The following RBFOX3 variants were observed in gnomAD, a reference collection of about 807,000 sequenced individuals.
RBFOX3 encodes the protein RNA binding fox-1 homolog 3.
In RBFOX3, 17 loss-of-function variants were observed where a neutral mutation model predicts 48.7. The ratio of observed to expected loss-of-function variants is 0.35; its 90% CI spans 0.24 to 0.52. The LOEUF (loss-of-function observed/expected upper bound fraction) is 0.52, where lower values mean the gene tolerates loss of function less well. RBFOX3 is among the 20% of genes least tolerant of loss of function. RBFOX3 has a pLI of 0.94. For synonymous variants in RBFOX3, 212 were observed against 209.5 expected (o/e 1.01, Z -0.10); for missense variants, 382 against 497.5 (o/e 0.77, Z 2.21).
intron 2 of RBFOX3, among the ~76,000 whole-genome samples, chr17:79,376,033 T>C (rs72851383): frequency 9.2e-5 from 14 of 152,290 alleles, no homozygotes; most frequent in Non-Finnish European, 2.1e-4. Context: ...GAAAGCACAA[T>C]AAATGTAGAG....
intron 1 of RBFOX3, among the ~76,000 whole-genome samples, chr17:79,552,620 A>G (rs2143687301): frequency 6.6e-6 from 1 of 152,270 alleles, no homozygotes; most frequent in South Asian, 2.1e-4. Flanking sequence ...TATTTCTTGA[A>G]TTATAATGAT....
intron 1 of RBFOX3, among the ~76,000 whole-genome samples, chr17:79,498,162 C>T (rs2081837571): frequency 1.3e-5 from 2 of 152,200 alleles, no homozygotes; most frequent in South Asian, 4.1e-4. Context: ...TATGTAAGCC[C>T]AGGTTGACTC....
At chr17:79,387,340 C>T (rs890274942) in intron 2 of RBFOX3, among the ~76,000 whole-genome samples, 2 of 152,174 alleles carry the variant, frequency 1.3e-5, no homozygotes, top group Non-Finnish European at 2.9e-5. Context: ...AAAAATCGGT[C>T]CTATTATTCT....
intron 2 of RBFOX3, among the ~76,000 whole-genome samples, chr17:79,349,287 C>G (rs1311488641): frequency 3.9e-5 from 6 of 152,062 alleles, no homozygotes; most frequent in Non-Finnish European, 5.9e-5. Flanking sequence ...TGCCTGCACC[C>G]TCTCCTCCCA....
the RBFOX3 span, among the ~76,000 whole-genome samples, chr17:79,653,505 G>A: frequency 7.9e-5 from 12 of 152,194 alleles, no homozygotes; most frequent in African/African-American, 2.2e-4. Flanking sequence ...TAGATTTAAC[G>A]AAGATTGAGG....
intron 1 of RBFOX3, among the ~76,000 whole-genome samples, chr17:79,532,835 G>GTGTGTA (rs1555787789): frequency 2.6e-5 from 4 of 152,190 alleles, no homozygotes; most frequent in African/African-American, 9.7e-5. Flanking sequence ...ACACGTGTGT[G>GTGTGTA]TGTGTGCACG....
At chr17:79,588,440 G>A (rs1034376201) in intron 1 of RBFOX3, among the ~76,000 whole-genome samples, 3 of 152,128 alleles carry the variant, frequency 2.0e-5, no homozygotes, top group East Asian at 1.9e-4. Context: ...TCCAGGAGCC[G>A]AGCGCAGACC....
At chr17:79,436,271 A>C (rs2069425325) in intron 2 of RBFOX3, among the ~76,000 whole-genome samples, 1 of 152,248 alleles carries the variant, frequency 6.6e-6, no homozygotes, top group Non-Finnish European at 1.5e-5. Flanking sequence ...AGCTGCTCTA[A>C]GGCAGTGCTG....
Position 79,425,304 on chromosome 17 carries a change from T to G in RBFOX3, c.-175+57150A>C, listed in dbSNP as rs1267538203. On this transcript the variant is annotated intron_variant, in intron 2 of 14. Coordinates refer to ENST00000693108, the MANE Select transcript of RBFOX3 (RefSeq NM_001350451.2). Reference sequence around the variant, plus strand: ...GCTCCCTCTGAGTGCCCTGAGCAAGTCCCCTCCGCAGTAACCCTCTGCAGT... The same window carrying G: ...GCTCCCTCTGAGTGCCCTGAGCAAGGCCCCTCCGCAGTAACCCTCTGCAGT... Among the ~76,000 whole-genome samples the G allele has an allele frequency of 2.0e-5, 3 of 152,082 alleles. 1 individual carries two copies. The highest frequency in any genetic ancestry group is 2.0e-4 in the Admixed American group (3 of 15,270).
intron 10 of RBFOX3, 27 bp downstream of exon 10, chr17:79,097,665 C>G: frequency 6.7e-7 from 1 of 1,494,044 alleles, no homozygotes; most frequent in South Asian, 1.2e-5. Context: ...TGGTCTCATC[C>G]CATCCCCGCC....
chr17:79,318,811 C>T (rs955988161), intron 2 of RBFOX3, among the ~76,000 whole-genome samples: 72 of 133,104 alleles, frequency 5.4e-4, no homozygotes, highest in Non-Finnish European at 6.3e-4. Context: ...GCCGAGATTG[C>T]GCCACTGCAC....
intron 2 of RBFOX3, among the ~76,000 whole-genome samples, chr17:79,403,083 C>G (rs192262381): frequency 1.1e-3 from 175 of 152,292 alleles, no homozygotes; most frequent in African/African-American, 4.1e-3. Context: ...GACACAGTGG[C>G]CTTGCTGGGA....
the RBFOX3 span, among the ~76,000 whole-genome samples, chr17:79,647,626 G>C: frequency 6.6e-6 from 1 of 152,142 alleles, no homozygotes; most frequent in African/African-American, 2.4e-5. Context: ...TCCCACATCT[G>C]TGGGAGCACC....
intron 5 of RBFOX3, among the ~76,000 whole-genome samples, chr17:79,115,101 C>T (rs961206108): frequency 2.0e-5 from 3 of 152,262 alleles, no homozygotes; most frequent in Non-Finnish European, 4.4e-5. Context: ...CCTCTGCCCT[C>T]CGCCCGTCTC....
At chr17:79,118,558 C>A (rs772058358) in intron 4 of RBFOX3, among the ~76,000 whole-genome samples, 1 of 152,012 alleles carries the variant, frequency 6.6e-6, no homozygotes, top group Non-Finnish European at 1.5e-5. Context: ...GAAGGCACAG[C>A]GTGAGGGCCC....
chr17:79,433,197 C>T (rs74000092), intron 2 of RBFOX3, among the ~76,000 whole-genome samples: 3,490 of 152,254 alleles, frequency 0.023, 155 homozygotes, highest in African/African-American at 0.079. Flanking sequence ...GTGAGTCACC[C>T]CACTCGCATC....
intron 2 of RBFOX3, among the ~76,000 whole-genome samples, chr17:79,324,191 C>T (rs1264994824): frequency 6.6e-6 from 1 of 152,186 alleles, no homozygotes; most frequent in Non-Finnish European, 1.5e-5. Context: ...AGAAGGGAGT[C>T]ACTTGCCAGC....
At chr17:79,403,751 C>G (rs564365893) in intron 2 of RBFOX3, among the ~76,000 whole-genome samples, 239 of 152,150 alleles carry the variant, frequency 1.6e-3, no homozygotes, top group African/African-American at 2.1e-3. Flanking sequence ...CTCTCAGGTT[C>G]CCCCAGCACA....
intron 3 of RBFOX3, among the ~76,000 whole-genome samples, chr17:79,280,125 C>T (rs1215735281): frequency 2.0e-5 from 3 of 150,302 alleles, no homozygotes; most frequent in Non-Finnish European, 3.0e-5. Flanking sequence ...CACACACACG[C>T]ACATACATGT....
Sources: gnomAD v4.1 joint callset for allele counts (sites outside exome capture counted in the v4.1 genomes callset) on GRCh38, gnomAD v4.1.1 for gene constraint, MANE v1.5 for transcripts, NCBI Gene and HGNC (gene_info 2026-07-23, HGNC 2026-07-21) for gene names.